KANK1: variants seen among roughly 807,000 people sequenced by gnomAD.
KANK1 encodes KN motif and ankyrin repeat domains 1, also known as KN motif and ankyrin repeat domain-containing protein 1.
A neutral mutation model predicts 106.2 loss-of-function variants in KANK1; 109 were observed. The ratio of observed to expected loss-of-function variants is 1.03; its 90% confidence interval spans 0.88 to 1.20. The LOEUF (loss-of-function observed/expected upper bound fraction) is 1.20, where lower values mean the gene tolerates loss of function less well. KANK1 is among the 50% of genes most tolerant of loss of function. The probability of loss-of-function intolerance (pLI) is 0.00; values close to 1 mark genes in which losing one functional copy is unlikely to be tolerated. For synonymous variants in KANK1, 873 were observed against 652.2 expected (o/e 1.34, Z -5.16); for missense variants, 2,399 against 1,710.7 (o/e 1.40, Z -7.10).
At chr9:572,016 A>T (rs1819306719) in intron 1 of KANK1, among the ~76,000 whole-genome samples, 2 of 152,114 alleles carry the variant, frequency 1.3e-5, no homozygotes, top group African/African-American at 4.8e-5. Context: ...CTGCCGTCCA[A>T]CTTTGGAGGT....
intron 1 of KANK1, among the ~76,000 whole-genome samples, chr9:625,094 G>C (rs1271291382): frequency 6.6e-6 from 1 of 152,206 alleles, no homozygotes; most frequent in African/African-American, 2.4e-5. Flanking sequence ...ACAGCAGTTA[G>C]CACCGTTAGC....
chr9:731,466 G>C (rs1016960771), intron 5 of KANK1, 200 bp downstream of exon 5: 3 of 446,336 alleles, frequency 6.7e-6, no homozygotes, highest in South Asian at 5.1e-5. Flanking sequence ...ACTCTCTTAA[G>C]GATACCTGAT....
intron 1 of KANK1, among the ~76,000 whole-genome samples, chr9:570,062 T>C (rs1818787424): frequency 6.6e-6 from 1 of 152,224 alleles, no homozygotes; most frequent in Admixed American, 6.5e-5. Context: ...ATAGTTTTTT[T>C]CTCCTTGTAT....
chr9:713,014 A>G lies in KANK1; in HGVS notation c.2248A>G (p.Arg750Gly). Reference protein sequence around the residue: ...TLLSGHSGFDRPSAVKTKESG... With the variant: ...TLLSGHSGFDGPSAVKTKESG... ...GCTTTCTGGCCATTCTGGGTTTGAC[A>G]GGCCATCAGCTGTGAAGACCAAAGA... is the stretch of plus-strand genomic sequence containing the variant. Residue 750 changes from arginine (R) to glycine (G), a missense_variant, in exon 3 of 12, where the codon AGG becomes GGG. Arg to Gly is a moderately radical substitution (Grantham distance 125, BLOSUM62 -2). Transcript: ENST00000382297. 1 of 1,614,198 alleles carries G rather than the reference A, an allele frequency of 6.2e-7. No homozygotes were observed. The highest frequency in any genetic ancestry group is 8.5e-7 in the Non-Finnish European group (1 of 1,180,038).
At chr9:546,036 C>A (rs993478178) in intron 1 of KANK1, among the ~76,000 whole-genome samples, 3 of 152,024 alleles carry the variant, frequency 2.0e-5, no homozygotes, top group Non-Finnish European at 4.4e-5. Context: ...TGTGAGCCAC[C>A]ACACCCTGCC....
At chr9:699,062 C>T (rs1822006644) in intron 2 of KANK1, among the ~76,000 whole-genome samples, 1 of 152,146 alleles carries the variant, frequency 6.6e-6, no homozygotes, top group South Asian at 2.1e-4. Flanking sequence ...TATGCTCTTT[C>T]CTCTGCCTAG....
At chr9:654,208 GC>G (rs1841573111) in intron 1 of KANK1, among the ~76,000 whole-genome samples, 1 of 152,190 alleles carries the variant, frequency 6.6e-6, no homozygotes, top group African/African-American at 2.4e-5. Context: ...CCGTTGTGGG[GC>G]CCAAGCATTT....
At chr9:696,587 A>G (rs990838972) in intron 2 of KANK1, among the ~76,000 whole-genome samples, 1 of 152,046 alleles carries the variant, frequency 6.6e-6, no homozygotes, top group African/African-American at 2.4e-5. Context: ...AAAGATAGAT[A>G]AGCTTGAAAA....
intron 2 of KANK1, among the ~76,000 whole-genome samples, chr9:708,741 C>T (rs578114955): frequency 6.6e-6 from 1 of 152,230 alleles, no homozygotes; most frequent in South Asian, 2.1e-4. Flanking sequence ...AACTGGACAG[C>T]AGTCAAGTGG....
intron 1 of KANK1, among the ~76,000 whole-genome samples, chr9:589,199 A>G (rs537183343): frequency 6.6e-6 from 1 of 152,312 alleles, no homozygotes; most frequent in Admixed American, 6.5e-5. Flanking sequence ...CACAGCTGTG[A>G]AGGAGATGGA....
At chr9:653,098 C>G (rs370176069) in intron 1 of KANK1, among the ~76,000 whole-genome samples, 1 of 152,160 alleles carries the variant, frequency 6.6e-6, no homozygotes, top group African/African-American at 2.4e-5. Flanking sequence ...TATTTAGCAA[C>G]GTCAGCTCAA....
At chr9:717,433 A>AT (rs1440111206) in intron 3 of KANK1, among the ~76,000 whole-genome samples, 2 of 152,236 alleles carry the variant, frequency 1.3e-5, no homozygotes, top group Admixed American at 6.5e-5. Flanking sequence ...TTAGAAACAT[A>AT]TATTTTTGTA....
chr9:525,130 G>T (rs934489786), intron 1 of KANK1, among the ~76,000 whole-genome samples: 2 of 151,134 alleles, frequency 1.3e-5, no homozygotes, highest in African/African-American at 4.9e-5. Flanking sequence ...AAGTAGCTGG[G>T]ACTACAGGCA....
intron 3 of KANK1, chr9:478,055 G>T: frequency 5.1e-6 from 1 of 195,632 alleles, no homozygotes; most frequent in South Asian, 9.4e-5. Flanking sequence ...ATTCAGAACA[G>T]ACAGGCTCAG....
chr9:623,698 A>T (rs1326261606), intron 1 of KANK1, among the ~76,000 whole-genome samples: 1 of 152,226 alleles, frequency 6.6e-6, no homozygotes, highest in Admixed American at 6.5e-5. Context: ...ATGAGATATT[A>T]TCTCACATTT....
Position 504,754 on chromosome 9 carries a change from G to A in KANK1, c.-84G>A, listed in dbSNP as rs1044431022. Reference sequence around the variant, plus strand: ...CGGCAGGTTGGGAGGAGCGGCCGAAGGTGAGTGACGCGGCGGGGCCGTGCC... The same window carrying A: ...CGGCAGGTTGGGAGGAGCGGCCGAAAGTGAGTGACGCGGCGGGGCCGTGCC... On this transcript the variant is annotated splice_region_variant and 5_prime_UTR_variant, in exon 1 of 12. Coordinates refer to ENST00000382297, the MANE Select transcript of KANK1 (RefSeq NM_015158.5). 3.2e-5 allele frequency: 4 copies of A among 123,444 alleles called. No individual in the cohort carries two copies. The highest frequency in any genetic ancestry group is 1.8e-4 in the Admixed American group (2 of 11,184). The allele number at this position is 123,444 out of a possible 1,614,324, so 7.6% of individuals were successfully genotyped here.
chr9:703,117 A>C (rs980991691), intron 2 of KANK1, among the ~76,000 whole-genome samples: 2 of 151,888 alleles, frequency 1.3e-5, no homozygotes, highest in African/African-American at 4.8e-5. Context: ...TCAGCCTCCC[A>C]AGTAGCTGGG....
chr9:473,242 C>T (rs932240618), exon 3 of KANK1: 1 of 152,224 alleles, frequency 6.6e-6, no homozygotes, highest in African/African-American at 2.4e-5. Context: ...CACTGCTCCT[C>T]ACTCAGTAAA....
chr9:610,932 TAGA>T (rs1414101571), intron 1 of KANK1, among the ~76,000 whole-genome samples: 2 of 152,180 alleles, frequency 1.3e-5, no homozygotes, highest in African/African-American at 2.4e-5. Flanking sequence ...CCCAGTCCCG[TAGA>T]AGAAGAATGA....
Sources: allele counts gnomAD v4.1 joint callset (sites outside exome capture counted in the v4.1 genomes callset), GRCh38; gene constraint gnomAD v4.1.1; transcripts MANE v1.5; gene names NCBI Gene and HGNC (gene_info 2026-07-23, HGNC 2026-07-21).